Variants in PRKG1 observed in about 807,000 individuals in gnomAD.
The protein encoded by PRKG1 is cGMP-dependent protein kinase 1.
PRKG1 carries 35 observed loss-of-function variants against 88.1 expected under a neutral mutation model. The observed-to-expected ratio is 0.40, with a 90% CI of 0.30 to 0.53. The LOEUF (loss-of-function observed/expected upper bound fraction) is 0.53, where lower values mean the gene tolerates loss of function less well. Among genes scored for constraint, PRKG1 ranks in the 20% least tolerant of loss-of-function variants. The pLI is 0.59. For missense variants in PRKG1, 540 were observed against 839.8 expected, an observed-to-expected ratio of 0.64 and a Z score of 4.41; for synonymous variants, 303 against 292.5, an observed-to-expected ratio of 1.04 and a Z score of -0.37.
chr10:52,072,267 TG>T (rs1317375609), intron 7 of PRKG1, among the ~76,000 whole-genome samples: 2 of 150,402 alleles, frequency 1.3e-5, no homozygotes, highest in Non-Finnish European at 2.9e-5. Context: ...GAATAATCTA[TG>T]GAAAAAGTAA....
At chr10:51,642,373 G>A (rs1402589825) in intron 3 of PRKG1, among the ~76,000 whole-genome samples, 3 of 152,150 alleles carry the variant, frequency 2.0e-5, no homozygotes, top group Non-Finnish European at 4.4e-5. Context: ...CTGGTTGACA[G>A]AGCAAGGCTC....
chr10:52,063,095 G>T (rs563392553), intron 7 of PRKG1, among the ~76,000 whole-genome samples: 80 of 152,232 alleles, frequency 5.3e-4, no homozygotes, highest in African/African-American at 1.9e-3. Flanking sequence ...GTTTTGCTTG[G>T]GCCCATTGGG....
intron 2 of PRKG1, among the ~76,000 whole-genome samples, chr10:51,236,675 G>A (rs1839000285): frequency 6.6e-6 from 1 of 151,844 alleles, no homozygotes; most frequent in African/African-American, 2.4e-5. Context: ...GCTAATTTTT[G>A]TATTTTTAGT....
intron 1 of PRKG1, among the ~76,000 whole-genome samples, chr10:51,145,517 C>T (rs1418289178): frequency 1.3e-5 from 2 of 152,052 alleles, no homozygotes; most frequent in South Asian, 2.1e-4. Context: ...TGAAACTTCA[C>T]GGTTTTAATT....
chr10:51,059,978 C>T (rs1273569601), intron 1 of PRKG1, among the ~76,000 whole-genome samples: 1 of 151,874 alleles, frequency 6.6e-6, no homozygotes, highest in African/African-American at 2.4e-5. Context: ...TTACCTTTGC[C>T]AATGTGAAGG....
chr10:51,093,801 T>TACACACAC (rs57772981), intron 1 of PRKG1, among the ~76,000 whole-genome samples: 40 of 127,670 alleles, frequency 3.1e-4, no homozygotes, highest in African/African-American at 9.8e-4. Context: ...TATATATATA[T>TACACACAC]ACACACACAC....
chr10:51,887,603 CT>C (rs1841605718), intron 4 of PRKG1, among the ~76,000 whole-genome samples: 1 of 152,152 alleles, frequency 6.6e-6, no homozygotes, highest in African/African-American at 2.4e-5. Flanking sequence ...TTACTTGTTT[CT>C]TTTTTGATAA....
At chr10:51,937,006 A>C (rs1245443137) in intron 5 of PRKG1, among the ~76,000 whole-genome samples, 1 of 152,064 alleles carries the variant, frequency 6.6e-6, no homozygotes, top group Admixed American at 6.6e-5. Context: ...AATGATTCAC[A>C]GAAATTCAGA....
intron 5 of PRKG1, among the ~76,000 whole-genome samples, chr10:51,939,120 C>T (rs1842853465): frequency 6.6e-6 from 1 of 152,020 alleles, no homozygotes; most frequent in Admixed American, 6.6e-5. Flanking sequence ...GTTTTGACCA[C>T]TTCAGCTATT....
chr10:51,492,271 G>A (rs1295883713), intron 3 of PRKG1, among the ~76,000 whole-genome samples: 3 of 152,126 alleles, frequency 2.0e-5, no homozygotes, highest in Non-Finnish European at 4.4e-5. Context: ...ATGCTAACAC[G>A]TAGAATGTTT....
At position 52,297,561 on chromosome 10, in the gene PRKG1, G is replaced by C. The variant is rs1842407354; in HGVS notation, c.*3661G>C. ...TCTCTTATTTCTGTTAAATGTACCA[G>C]AGCTGTGTATCTGTTAATGAGATAC... On this transcript the variant is annotated 3_prime_UTR_variant, in exon 18 of 18. Transcript: ENST00000373980. The C allele has an allele frequency of 1.3e-5, 2 of 152,070 alleles. No homozygotes were observed. Among genetic ancestry groups the C allele is most frequent in the Admixed American group, 6.6e-5 (1 of 15,238 alleles). 9.4% of individuals were successfully genotyped at this position (152,070 alleles called of 1,614,324 possible). A position where few individuals can be genotyped will look rare whatever the true frequency, so the allele number is the denominator to read the frequency against.
chr10:51,373,628 G>A (rs946533929), intron 2 of PRKG1, among the ~76,000 whole-genome samples: 27 of 152,006 alleles, frequency 1.8e-4, no homozygotes, highest in African/African-American at 5.8e-4. Flanking sequence ...AGTATGTGTT[G>A]TTCCCTTAAT....
chr10:52,106,851 T>G lies in PRKG1; in HGVS notation c.936-26989T>G, dbSNP rs1564471519. Among the ~76,000 whole-genome samples the G allele has an allele frequency of 3.3e-5, 5 of 152,032 alleles. No individual in the cohort carries two copies. In the South Asian group the frequency reaches 8.3e-4, roughly 25 times the overall value. ...TAATGACACATAATGAGAGTGCCTT[T>G]ATTATAGTGATATTTCTCATGTGAT... On this transcript the variant is annotated intron_variant, in intron 7 of 17. Transcript: ENST00000373980.
intron 2 of PRKG1, among the ~76,000 whole-genome samples, chr10:51,275,185 A>G (rs1340420597): frequency 2.0e-5 from 3 of 152,356 alleles, no homozygotes; most frequent in South Asian, 4.1e-4. Context: ...GTCAAAATAA[A>G]GTCCTATGTT....
chr10:51,554,693 G>A (rs1837264755), intron 3 of PRKG1, among the ~76,000 whole-genome samples: 1 of 99,892 alleles, frequency 1.0e-5, no homozygotes, highest in South Asian at 3.9e-4. Flanking sequence ...GCATTTTAAG[G>A]GGAAAAAAGT....
intron 5 of PRKG1, among the ~76,000 whole-genome samples, chr10:52,032,849 G>A (rs893881371): frequency 1.4e-4 from 21 of 152,240 alleles, no homozygotes; most frequent in South Asian, 4.1e-4. Flanking sequence ...GCCTTTCTGC[G>A]TGTTTAAATG....
intron 2 of PRKG1, among the ~76,000 whole-genome samples, chr10:51,235,136 T>C (rs1234625736): frequency 6.6e-6 from 1 of 152,144 alleles, no homozygotes. Flanking sequence ...AGAGTTACCT[T>C]CCATAGAAAC....
intron 1 of PRKG1, among the ~76,000 whole-genome samples, chr10:51,013,867 A>C (rs1439630369): frequency 2.0e-5 from 3 of 152,232 alleles, no homozygotes; most frequent in African/African-American, 7.2e-5. Context: ...GCAATAATGT[A>C]GTGAGGCTAT....
rs188578164 is a variant in PRKG1 at position 52,027,015 on chromosome 10, T to A, written c.763-27469T>A. 3.5e-3 allele frequency among the ~76,000 whole-genome samples: 527 copies of A among 151,358 alleles called. 1 individual carries two copies. The highest frequency in any genetic ancestry group is 0.012 in the African/African-American group (508 of 40,736). On this transcript the variant is annotated intron_variant, in intron 5 of 17. Transcript: ENST00000373980. ...AGAGGCGAATTTCGTGATATATGAA[T>A]TATATCTCAATTTAAAAAATTGTTT...
Sources: allele counts gnomAD v4.1 joint callset (sites outside exome capture counted in the v4.1 genomes callset), GRCh38; gene constraint gnomAD v4.1.1; transcripts MANE v1.5; gene names NCBI Gene and HGNC (gene_info 2026-07-23, HGNC 2026-07-21).